FHIT: variants seen among roughly 807,000 people sequenced by gnomAD.
The protein encoded by FHIT is fragile histidine triad diadenosine triphosphatase.
In FHIT, 19 loss-of-function variants were observed where a neutral mutation model predicts 17.9. That is an observed-to-expected ratio of 1.06 (90% CI 0.74 to 1.56). FHIT has a LOEUF of 1.56. FHIT is among the 40% of genes most tolerant of loss of function. The pLI is 0.00. For synonymous variants in FHIT, 81 were observed against 69.7 expected, an observed-to-expected ratio of 1.16 and a Z score of -0.81; for missense variants, 248 against 189.2, an observed-to-expected ratio of 1.31 and a Z score of -1.82.
chr3:61,227,678 G>C (rs1203806064), intron 1 of FHIT, among the ~76,000 whole-genome samples: 1 of 152,108 alleles, frequency 6.6e-6, no homozygotes, highest in African/African-American at 2.4e-5. Flanking sequence ...ATTCTGATTT[G>C]TTCTTGCAGA....
At chr3:61,028,203 T>C (rs1043747534) in intron 3 of FHIT, among the ~76,000 whole-genome samples, 1 of 152,190 alleles carries the variant, frequency 6.6e-6, no homozygotes, top group Non-Finnish European at 1.5e-5. Context: ...CCACCATTAT[T>C]ACAGAAAAAT....
intron 7 of FHIT, among the ~76,000 whole-genome samples, chr3:59,934,234 TA>T (rs1244161869): frequency 1.3e-5 from 2 of 152,148 alleles, no homozygotes; most frequent in East Asian, 3.9e-4. Flanking sequence ...TTATCATCAT[TA>T]ATTTATAGAT....
At chr3:60,410,794 G>A (rs1338307325) in intron 5 of FHIT, among the ~76,000 whole-genome samples, 1 of 152,114 alleles carries the variant, frequency 6.6e-6, no homozygotes, top group Non-Finnish European at 1.5e-5. Flanking sequence ...ATGTTAAGAG[G>A]TTTATACATC....
At chr3:60,789,172 A>ATG (rs1463488199) in intron 4 of FHIT, among the ~76,000 whole-genome samples, 2 of 88,622 alleles carry the variant, frequency 2.3e-5, no homozygotes, top group Non-Finnish European at 5.3e-5. Flanking sequence ...ATATATATAT[A>ATG]TATAGAGAGA....
At chr3:60,957,275 T>C (rs558352606) in intron 3 of FHIT, among the ~76,000 whole-genome samples, 1 of 149,006 alleles carries the variant, frequency 6.7e-6, no homozygotes, top group African/African-American at 2.5e-5. Context: ...TCTCACTTTG[T>C]TGCTCAGGCT....
intron 5 of FHIT, among the ~76,000 whole-genome samples, chr3:60,119,263 G>A (rs1705135855): frequency 6.6e-6 from 1 of 151,818 alleles, no homozygotes; most frequent in South Asian, 2.1e-4. Flanking sequence ...TGTAGAGACA[G>A]GGTTTCACCA....
chr3:60,657,874 AT>A (rs1301920836), intron 4 of FHIT, among the ~76,000 whole-genome samples: 8 of 151,928 alleles, frequency 5.3e-5, no homozygotes, highest in African/African-American at 1.9e-4. Flanking sequence ...TCCTGATCCA[AT>A]TTTTCTGCAT....
At chr3:61,083,385 T>C (rs972880741) in intron 2 of FHIT, among the ~76,000 whole-genome samples, 7 of 152,206 alleles carry the variant, frequency 4.6e-5, no homozygotes, top group African/African-American at 1.4e-4. Context: ...GGTCAGGAGA[T>C]CGAGACCATC....
At chr3:60,253,750 C>T (rs1004180807) in intron 5 of FHIT, among the ~76,000 whole-genome samples, 1 of 152,142 alleles carries the variant, frequency 6.6e-6, no homozygotes, top group African/African-American at 2.4e-5. Context: ...TTCTTATCAG[C>T]CAATATGTCC....
intron 4 of FHIT, among the ~76,000 whole-genome samples, chr3:60,802,430 T>C (rs1553732579): frequency 6.6e-6 from 1 of 152,224 alleles, no homozygotes; most frequent in Non-Finnish European, 1.5e-5. Flanking sequence ...GGGCTCATTA[T>C]TGGCTCTTAT....
At chr3:59,913,562 T>C (rs967662439) in intron 8 of FHIT, among the ~76,000 whole-genome samples, 1 of 152,160 alleles carries the variant, frequency 6.6e-6, no homozygotes, top group Non-Finnish European at 1.5e-5. Flanking sequence ...AGTAATAATT[T>C]GATTATTATT....
rs759876600 is a variant in FHIT, at chr3:61,215,496, G to A, written c.-212-14831C>T. Reference sequence around the variant, plus strand: ...ACCACTGCTCAATGAAATAAAAGACGATACAAACAAATGGAAGAACATTCT... The same window carrying A: ...ACCACTGCTCAATGAAATAAAAGACAATACAAACAAATGGAAGAACATTCT... On this transcript the variant is annotated intron_variant, in intron 1 of 9. Coordinates refer to ENST00000492590, the MANE Select transcript of FHIT (RefSeq NM_002012.4). Among the ~76,000 whole-genome samples the A allele has an allele frequency of 8.5e-5, 13 of 152,222 alleles. No homozygotes were observed. The East Asian group carries it at 1.3e-3, about 16-fold the overall frequency.
intron 5 of FHIT, among the ~76,000 whole-genome samples, chr3:60,204,572 T>G: frequency 6.7e-6 from 1 of 149,956 alleles, no homozygotes; most frequent in Middle Eastern, 3.3e-3. Flanking sequence ...ATTACAGGGG[T>G]GAGCCACCCT....
At chr3:59,792,711 G>T (rs1699615504) in intron 8 of FHIT, among the ~76,000 whole-genome samples, 1 of 152,158 alleles carries the variant, frequency 6.6e-6, no homozygotes, top group Non-Finnish European at 1.5e-5. Flanking sequence ...CAACAATCAT[G>T]ATAATTTCAA....
chr3:60,744,263 C>CAA (rs1201886354), intron 4 of FHIT, among the ~76,000 whole-genome samples: 17 of 85,988 alleles, frequency 2.0e-4, no homozygotes, highest in African/African-American at 4.7e-4. Context: ...AAAAACAAAA[C>CAA]AAAACAAAAA....
chr3:60,083,509 T>C (rs1325173503), intron 5 of FHIT, among the ~76,000 whole-genome samples: 1 of 83,154 alleles, frequency 1.2e-5, no homozygotes, highest in Non-Finnish European at 2.1e-5. Context: ...TTGATAGGAA[T>C]ACCACTGAAA....
intron 5 of FHIT, among the ~76,000 whole-genome samples, chr3:60,136,113 T>A (rs550037529): frequency 2.6e-4 from 39 of 152,276 alleles, no homozygotes; most frequent in Admixed American, 6.5e-4. Flanking sequence ...ATCTGGCACA[T>A]AGTCAGCATG....
chr3:60,135,161 G>C (rs578171969), intron 5 of FHIT, among the ~76,000 whole-genome samples: 21 of 152,226 alleles, frequency 1.4e-4, no homozygotes, highest in Non-Finnish European at 2.5e-4. Context: ...GTTTTCAAAA[G>C]ATAGATAGAT....
chr3:60,768,426 C>A (rs897369270), intron 4 of FHIT, among the ~76,000 whole-genome samples: 17 of 152,184 alleles, frequency 1.1e-4, no homozygotes, highest in Admixed American at 8.5e-4. Flanking sequence ...TCTTTCCCTG[C>A]CAACTCAGAG....
Sources: gnomAD v4.1 joint callset for allele counts (sites outside exome capture counted in the v4.1 genomes callset) on GRCh38, gnomAD v4.1.1 for gene constraint, MANE v1.5 for transcripts, NCBI Gene and HGNC (gene_info 2026-07-23, HGNC 2026-07-21) for gene names.